Variants in RBKS observed in about 807,000 individuals in gnomAD.
RBKS encodes ribokinase.
A neutral mutation model predicts 33.9 loss-of-function variants in RBKS; 33 were observed. The observed-to-expected ratio is 0.97, with a 90% CI of 0.74 to 1.30. The LOEUF (loss-of-function observed/expected upper bound fraction) is 1.30. Ranked by LOEUF, RBKS falls within the 50% of genes most tolerant of loss-of-function variation. The probability of loss-of-function intolerance (pLI) is 0.00; values close to 1 mark genes in which losing one functional copy is unlikely to be tolerated. For missense variants in RBKS, 361 were observed against 392.6 expected (o/e 0.92, Z 0.68); for synonymous variants, 125 against 143.0 (o/e 0.87, Z 0.90).
chr2:27,840,356 G>A (rs4665395), intron 5 of RBKS, among the ~76,000 whole-genome samples: 64,824 of 120,712 alleles, frequency 0.54, 15,127 homozygotes, highest in South Asian at 0.6. Flanking sequence ...ACACACACAC[G>A]CGCGCGCGCA....
intron 7 of RBKS, among the ~76,000 whole-genome samples, chr2:27,792,584 G>T (rs1340146243): frequency 1.3e-5 from 2 of 152,164 alleles, no homozygotes; most frequent in African/African-American, 4.8e-5. Flanking sequence ...TCAATGAACA[G>T]AACTCTTAAC....
intron 6 of RBKS, among the ~76,000 whole-genome samples, chr2:27,829,704 G>C (rs957459974): frequency 6.6e-6 from 1 of 152,182 alleles, no homozygotes; most frequent in Non-Finnish European, 1.5e-5. Context: ...AGGTACACAA[G>C]AGTCTCTAAA....
chr2:27,881,309 G>C (rs1387246116), intron 1 of RBKS, among the ~76,000 whole-genome samples: 8 of 151,962 alleles, frequency 5.3e-5, no homozygotes, highest in Non-Finnish European at 1.2e-4. Flanking sequence ...GGGAGGTTGA[G>C]ACTGGCAAAT....
At chr2:27,863,581 G>C (rs998361030) in intron 1 of RBKS, among the ~76,000 whole-genome samples, 1 of 152,190 alleles carries the variant, frequency 6.6e-6, no homozygotes, top group African/African-American at 2.4e-5. Flanking sequence ...CCGGTAATAG[G>C]GGGATGAAAA....
At chr2:27,866,649 C>A (rs564835125) in intron 1 of RBKS, among the ~76,000 whole-genome samples, 94 of 152,236 alleles carry the variant, frequency 6.2e-4, no homozygotes, top group Non-Finnish European at 1.2e-3. Context: ...TTTCTTCTGT[C>A]ATGTTCACTC....
rs1663656726 is a variant in RBKS, at chr2:27,848,050, CTGTTT to C, written c.265_269del (p.Lys89GlufsTer2). ...GAATTTTACCTGTAGAAATATCATT[CTGTTT>C]TAAGTTTTCTATATAATCATTGCCA... On this transcript the variant is annotated frameshift_variant, in exon 3 of 8. Transcript: ENST00000302188. LOFTEE classifies it high-confidence loss of function. The C allele has an allele frequency of 6.7e-7, 1 of 1,494,930 alleles. No homozygotes were observed. Among genetic ancestry groups the C allele is most frequent in the African/African-American group, 1.4e-5 (1 of 72,352 alleles). 92.6% of individuals were successfully genotyped at this position (1,494,930 alleles called of 1,614,324 possible).
rs995109551 is a variant in RBKS at position 27,858,363 on chromosome 2, A to C, written c.222+76T>G. 6.8e-6 allele frequency: 10 copies of C among 1,481,014 alleles called. No homozygotes were observed. In the African/African-American group the frequency reaches 9.9e-5, roughly 15 times the overall value. The allele number at this position is 1,481,014 out of a possible 1,614,324, so 91.7% of individuals were successfully genotyped here. On this transcript the variant is annotated intron_variant, in intron 2 of 7. Transcript: ENST00000302188. ...CTGTTCACTCTAAAATGGTTGAAAA[A>C]ATTAAAAACAATGAACTCCAGTCTT... is the stretch of plus-strand genomic sequence containing the variant.
chr2:27,817,750 C>T (rs576410624), intron 7 of RBKS, among the ~76,000 whole-genome samples: 4 of 152,182 alleles, frequency 2.6e-5, no homozygotes, highest in African/African-American at 9.6e-5. Flanking sequence ...TTATAGACGC[C>T]TGTATCATGA....
chr2:27,814,251 CA>C (rs1426532823), intron 7 of RBKS, among the ~76,000 whole-genome samples: 2 of 152,140 alleles, frequency 1.3e-5, no homozygotes, highest in African/African-American at 4.8e-5. Context: ...CTCTTCATAA[CA>C]TTAAGCATCT....
At chr2:27,880,124 C>A (rs554302287) in intron 1 of RBKS, among the ~76,000 whole-genome samples, 2 of 152,306 alleles carry the variant, frequency 1.3e-5, no homozygotes, top group African/African-American at 4.8e-5. Context: ...TTGACATATG[C>A]AAATCAGTAA....
intron 6 of RBKS, among the ~76,000 whole-genome samples, chr2:27,828,419 A>G (rs1678359261): frequency 1.3e-5 from 2 of 152,242 alleles, no homozygotes; most frequent in Admixed American, 1.3e-4. Flanking sequence ...AATTCTTCCA[A>G]GCCTCTCTTG....
At chr2:27,861,563 A>G (rs1270054133) in intron 1 of RBKS, 1 of 470,486 alleles carries the variant, frequency 2.1e-6, no homozygotes, top group Non-Finnish European at 4.4e-6. Context: ...GGCAAAATCA[A>G]CTTGTTGACA....
At chr2:27,786,778 C>CAA (rs1158881753) in intron 7 of RBKS, among the ~76,000 whole-genome samples, 2 of 68,886 alleles carry the variant, frequency 2.9e-5, no homozygotes, top group Non-Finnish European at 5.7e-5. Flanking sequence ...GAGACTGTCT[C>CAA]AAAAAAAAAA....
intron 2 of RBKS, among the ~76,000 whole-genome samples, chr2:27,850,262 C>T (rs1344526362): frequency 6.6e-6 from 1 of 152,170 alleles, no homozygotes; most frequent in East Asian, 1.9e-4. Context: ...ACTAGTATCC[C>T]CCACTATTAA....
At chr2:27,808,996 ATAATT>A (rs1677942329) in intron 7 of RBKS, among the ~76,000 whole-genome samples, 1 of 152,246 alleles carries the variant, frequency 6.6e-6, no homozygotes, top group Non-Finnish European at 1.5e-5. Flanking sequence ...ACATTTCTTG[ATAATT>A]TAAAAGAGAA....
chr2:27,820,200 G>T (rs1030738466), intron 7 of RBKS, among the ~76,000 whole-genome samples: 2 of 152,130 alleles, frequency 1.3e-5, no homozygotes, highest in East Asian at 1.9e-4. Context: ...AAAAATACAG[G>T]CTTATGGAAA....
rs953526623 is a variant in RBKS, at chr2:27,795,319, G to A, written c.796-13531C>T. 5.9e-5 allele frequency among the ~76,000 whole-genome samples: 9 copies of A among 152,172 alleles called. No individual in the cohort carries two copies. The highest frequency in any genetic ancestry group is 5.2e-4 in the Admixed American group (8 of 15,278). ...CTACTGAGCCCCAAACCACAAAGAAGCAGGGAGGCTCCTGGCTGACAGGGG... is the reference window on the plus strand; with the variant it reads ...CTACTGAGCCCCAAACCACAAAGAAACAGGGAGGCTCCTGGCTGACAGGGG... On this transcript the variant is annotated intron_variant, in intron 7 of 7. Transcript: ENST00000302188. This position sits in a 1 kb window ranked among gnomAD's most constrained non-coding sequence, Gnocchi z 4.1.
chr2:27,848,595 CCT>C (rs1246282158), intron 2 of RBKS, among the ~76,000 whole-genome samples: 1 of 152,148 alleles, frequency 6.6e-6, no homozygotes, highest in Non-Finnish European at 1.5e-5. Flanking sequence ...GTTTTTGCAT[CCT>C]AGCATCTATT....
intron 7 of RBKS, among the ~76,000 whole-genome samples, chr2:27,797,106 C>T (rs1025919356): frequency 2.6e-5 from 4 of 152,216 alleles, no homozygotes; most frequent in South Asian, 2.1e-4. Context: ...TGCTGGTCTG[C>T]GATAGCTTTT....
Sources: gnomAD v4.1 joint callset for allele counts (sites outside exome capture counted in the v4.1 genomes callset) on GRCh38, gnomAD v4.1.1 for gene constraint, Gnocchi (gnomAD v3.1) non-coding constraint, MANE v1.5 for transcripts, NCBI Gene and HGNC (gene_info 2026-07-23, HGNC 2026-07-21) for gene names.